The following NEDD4L variants were observed in gnomAD, a reference collection of about 807,000 sequenced individuals.
The protein encoded by NEDD4L is NEDD4 like E3 ubiquitin protein ligase.
A neutral mutation model predicts 148.9 loss-of-function variants in NEDD4L; 54 were observed. The observed-to-expected ratio is 0.36, with a 90% confidence interval of 0.29 to 0.45. The LOEUF is 0.45. Ranked by LOEUF, NEDD4L falls within the 20% of genes least tolerant of loss-of-function variation. The probability of loss-of-function intolerance (pLI) is 1.00; values close to 1 mark genes in which losing one functional copy is unlikely to be tolerated. For synonymous variants in NEDD4L, 433 were observed against 440.7 expected (o/e 0.98, Z 0.22); for missense variants, 856 against 1,233.8 (o/e 0.69, Z 4.59).
Position 58,248,955 on chromosome 18 carries a change from T to G in NEDD4L, c.243+18T>G. 7.3e-7 allele frequency: 1 copy of G among 1,362,400 alleles called. No homozygotes were observed. Among genetic ancestry groups the G allele is most frequent in the Non-Finnish European group, 1.0e-6 (1 of 978,170 alleles). The allele number at this position is 1,362,400 out of a possible 1,614,324, so 84.4% of individuals were successfully genotyped here. A position where few individuals can be genotyped will look rare whatever the true frequency, so the allele number is the denominator to read the frequency against. ...ATTTCAGGGTAAGTTTTTCATTGTT[T>G]GGTAATAATTGTTATTGATACGTCT... is the stretch of plus-strand genomic sequence containing the variant. On this transcript the variant is annotated intron_variant, in intron 4 of 30. Transcript: ENST00000400345.
chr18:58,250,614 C>T (rs116303040), intron 4 of NEDD4L, among the ~76,000 whole-genome samples: 67 of 152,258 alleles, frequency 4.4e-4, no homozygotes, highest in African/African-American at 1.2e-3. Context: ...ACCAGAAGCA[C>T]AAGCTGAGCT....
chr18:58,343,862 T>G (rs550445032), intron 16 of NEDD4L, among the ~76,000 whole-genome samples: 1 of 152,348 alleles, frequency 6.6e-6, no homozygotes, highest in East Asian at 1.9e-4. Context: ...CTTTTAAAAG[T>G]CAGTTGGTAT....
At chr18:58,159,345 A>C (rs950135859) in intron 1 of NEDD4L, among the ~76,000 whole-genome samples, 1 of 152,174 alleles carries the variant, frequency 6.6e-6, no homozygotes, top group Non-Finnish European at 1.5e-5. Context: ...CATTTGTCCA[A>C]ACTCAAGGAG....
intron 1 of NEDD4L, among the ~76,000 whole-genome samples, chr18:58,139,298 G>A (rs1337311325): frequency 3.8e-5 from 2 of 52,042 alleles, no homozygotes; most frequent in East Asian, 5.7e-4. Flanking sequence ...CCCCTCCCCC[G>A]ACCCCCGCCC....
chr18:58,124,316 C>T (rs1568249940), intron 1 of NEDD4L, among the ~76,000 whole-genome samples: 1 of 152,210 alleles, frequency 6.6e-6, no homozygotes, highest in East Asian at 1.9e-4. Flanking sequence ...CTTCCTCCGC[C>T]TGCGGTGCCT....
At chr18:58,118,078 C>T (rs1250035617) in intron 1 of NEDD4L, among the ~76,000 whole-genome samples, 1 of 152,240 alleles carries the variant, frequency 6.6e-6, no homozygotes, top group Non-Finnish European at 1.5e-5. Context: ...TTAACTAGCT[C>T]CCTTCCCTTT....
intron 2 of NEDD4L, among the ~76,000 whole-genome samples, chr18:58,196,511 T>G (rs920143291): frequency 3.3e-5 from 5 of 152,222 alleles, no homozygotes; most frequent in African/African-American, 1.2e-4. Flanking sequence ...TTTTACTGCA[T>G]TCTTCAGCCC....
intron 16 of NEDD4L, among the ~76,000 whole-genome samples, chr18:58,343,819 G>A (rs1284728407): frequency 1.2e-4 from 18 of 152,140 alleles, no homozygotes; most frequent in Admixed American, 6.5e-5. Flanking sequence ...TTCTTTAGCC[G>A]AATCGGTGGC....
chr18:58,087,863 A>C (rs773375694), intron 1 of NEDD4L, among the ~76,000 whole-genome samples: 1 of 152,192 alleles, frequency 6.6e-6, no homozygotes, highest in Non-Finnish European at 1.5e-5. Context: ...AGCAAGAGTG[A>C]AACTCCATCT....
Position 58,400,517 on chromosome 18 carries a change from A to AGAACG in NEDD4L, c.*4249_*4253dup. On this transcript the variant is annotated 3_prime_UTR_variant, in exon 31 of 31. Transcript: ENST00000400345. ...CCACAGCATTAGGACGGGAGCTTGG[A>AGAACG]GAACGTTTTCTAGAAAAGGGTTAGC... 1 of 152,304 alleles carries AGAACG rather than the reference A, an allele frequency of 6.6e-6. No homozygotes were observed. The highest frequency in any genetic ancestry group is 2.4e-5 in the African/African-American group (1 of 41,560). 9.4% of individuals were successfully genotyped at this position (152,304 alleles called of 1,614,324 possible).
chr18:58,363,467 A>G (rs930012031), intron 19 of NEDD4L, among the ~76,000 whole-genome samples: 2 of 152,186 alleles, frequency 1.3e-5, no homozygotes, highest in African/African-American at 4.8e-5. Context: ...AAATATCGTA[A>G]GCTTTTTCAG....
chr18:58,165,113 A>G (rs576591125), intron 1 of NEDD4L, among the ~76,000 whole-genome samples: 2 of 152,318 alleles, frequency 1.3e-5, no homozygotes, highest in South Asian at 2.1e-4. Context: ...GTTGCCTTCA[A>G]TAGAGCCTGG....
chr18:58,148,953 A>G (rs751254054), intron 1 of NEDD4L, among the ~76,000 whole-genome samples: 4 of 152,234 alleles, frequency 2.6e-5, no homozygotes, highest in Non-Finnish European at 5.9e-5. Flanking sequence ...ACTTGGCTGA[A>G]TGATACACTA....
At chr18:58,074,434 ATTT>A (rs544878321) in intron 1 of NEDD4L, among the ~76,000 whole-genome samples, 3,518 of 111,718 alleles carry the variant, frequency 0.031, 143 homozygotes, top group African/African-American at 0.096. Flanking sequence ...AATTTTTTGT[ATTT>A]TTTTTTTTTT....
intron 19 of NEDD4L, 25 bp from the exon 20 acceptor site, chr18:58,364,243 C>G: frequency 7.2e-7 from 1 of 1,387,274 alleles, no homozygotes; most frequent in Non-Finnish European, 1.0e-6. Flanking sequence ...TTTGCATTAT[C>G]TATATTTATA....
chr18:58,277,935 A>G (rs1310465495), intron 5 of NEDD4L, among the ~76,000 whole-genome samples: 1 of 152,176 alleles, frequency 6.6e-6, no homozygotes, highest in African/African-American at 2.4e-5. Flanking sequence ...TACATACCCA[A>G]GGGATTCCAA....
chr18:58,064,175 A>G (rs1248300196), intron 1 of NEDD4L, among the ~76,000 whole-genome samples: 1 of 150,734 alleles, frequency 6.6e-6, no homozygotes, highest in South Asian at 2.1e-4. Flanking sequence ...CGTGTTAGCC[A>G]GGATGGTCTT....
At chr18:58,058,318 A>G (rs138214844) in intron 1 of NEDD4L, among the ~76,000 whole-genome samples, 306 of 152,316 alleles carry the variant, frequency 2.0e-3, no homozygotes, top group African/African-American at 7.0e-3. Context: ...AAGGTGGTAA[A>G]ATACACATGA....
intron 1 of NEDD4L, among the ~76,000 whole-genome samples, chr18:58,156,108 A>G (rs933589881): frequency 6.6e-6 from 1 of 152,220 alleles, no homozygotes; most frequent in Non-Finnish European, 1.5e-5. Flanking sequence ...TCCTTGAACC[A>G]GAACCTCTTT....
Sources: allele counts gnomAD v4.1 joint callset (sites outside exome capture counted in the v4.1 genomes callset), GRCh38; gene constraint gnomAD v4.1.1; transcripts MANE v1.5; gene names NCBI Gene and HGNC (gene_info 2026-07-23, HGNC 2026-07-21).